The following GALNT2 variants were observed in gnomAD, a reference collection of about 807,000 sequenced individuals.
GALNT2 encodes the protein UDP-GalNAc:polypeptide N-acetylgalactosaminyltransferase 2.
A neutral mutation model predicts 81.4 loss-of-function variants in GALNT2; 31 were observed. The observed-to-expected ratio is 0.38, with a 90% CI of 0.29 to 0.51. GALNT2 has a LOEUF of 0.51. Among genes scored for constraint, GALNT2 ranks in the 20% least tolerant of loss-of-function variants. The pLI is 0.87. For missense variants in GALNT2, 629 were observed against 765.7 expected, an observed-to-expected ratio of 0.82 and a Z score of 2.11; for synonymous variants, 303 against 287.4, an observed-to-expected ratio of 1.05 and a Z score of -0.55.
rs918846700 is a variant in GALNT2 at position 230,275,089 on chromosome 1, A to G, written c.1560+525A>G. Reference sequence around the variant, plus strand: ...ACGTATATATATACACACCACATATATATACATGTATACACACCACATATA... The same window carrying G: ...ACGTATATATATACACACCACATATGTATACATGTATACACACCACATATA... On this transcript the variant is annotated intron_variant, in intron 15 of 15. Transcript: ENST00000366672. The surrounding 1 kb of genome is among the most constrained non-coding windows in gnomAD (Gnocchi z 5.5). 2.0e-5 allele frequency among the ~76,000 whole-genome samples: 3 copies of G among 151,066 alleles called. No individual in the cohort carries two copies. Among genetic ancestry groups the G allele is most frequent in the East Asian group, 1.9e-4 (1 of 5,188 alleles).
chr1:230,220,725 G>A (rs1048671240), intron 3 of GALNT2, among the ~76,000 whole-genome samples: 1 of 152,172 alleles, frequency 6.6e-6, no homozygotes, highest in African/African-American at 2.4e-5. Context: ...AGGTACTTTT[G>A]TTAGGGTTGG....
At chr1:230,197,200 G>A (rs1400896327) in intron 2 of GALNT2, among the ~76,000 whole-genome samples, 2 of 152,104 alleles carry the variant, frequency 1.3e-5, no homozygotes, top group African/African-American at 4.8e-5. Context: ...GGTGTTTCTT[G>A]GGAGCAGCAG....
At chr1:230,224,005 G>A (rs551671056) in intron 3 of GALNT2, among the ~76,000 whole-genome samples, 7 of 152,308 alleles carry the variant, frequency 4.6e-5, no homozygotes, top group South Asian at 2.1e-4. Context: ...TCTAAGAAGG[G>A]TGCTCTAAAG....
intron 14 of GALNT2, among the ~76,000 whole-genome samples, chr1:230,268,963 A>T (rs908870189): frequency 3.3e-5 from 5 of 152,130 alleles, no homozygotes; most frequent in African/African-American, 1.2e-4. Context: ...AGTGAACAAG[A>T]TCGGGTCTGC....
chr1:230,134,297 C>G (rs553871672), intron 1 of GALNT2, among the ~76,000 whole-genome samples: 1 of 152,044 alleles, frequency 6.6e-6, no homozygotes, highest in East Asian at 1.9e-4. Context: ...TTAGTAGAGA[C>G]GGGGTTTCAC....
intron 1 of GALNT2, among the ~76,000 whole-genome samples, chr1:230,159,097 A>G (rs2102844534): frequency 6.6e-6 from 1 of 152,364 alleles, no homozygotes; most frequent in East Asian, 1.9e-4. Flanking sequence ...CATTCAAAAA[A>G]GCGTACACTT....
intron 2 of GALNT2, among the ~76,000 whole-genome samples, chr1:230,178,807 A>G (rs907853640): frequency 2.0e-5 from 3 of 151,944 alleles, no homozygotes; most frequent in African/African-American, 7.3e-5. Flanking sequence ...ATTAGGGTTC[A>G]CTCTCGATGT....
At chr1:230,240,369 G>A (rs982874699) in intron 6 of GALNT2, among the ~76,000 whole-genome samples, 3 of 152,164 alleles carry the variant, frequency 2.0e-5, no homozygotes, top group African/African-American at 4.8e-5. Context: ...CGAGGTGGGC[G>A]GATCACGAGG....
rs560707577 is a variant in GALNT2, at chr1:230,231,425, G to A, written c.375-4589G>A. On this transcript the variant is annotated intron_variant, in intron 3 of 15. Transcript: ENST00000366672. ...GTGAGGGTGGGGCATGGCCTGCCCA[G>A]GGTAGAGAAGGAAACCTATTTCTTT... 3.6e-4 allele frequency among the ~76,000 whole-genome samples: 55 copies of A among 152,286 alleles called. 1 individual carries two copies. Among genetic ancestry groups the A allele is most frequent in the Middle Eastern group, 6.8e-3 (2 of 294 alleles).
At chr1:230,129,633 C>A (rs768307512) in intron 1 of GALNT2, among the ~76,000 whole-genome samples, 72 of 152,322 alleles carry the variant, frequency 4.7e-4, no homozygotes, top group Non-Finnish European at 9.6e-4. Flanking sequence ...AAATTTAACT[C>A]TTTCAAGAGG....
Position 230,236,336 on chromosome 1 carries a change from TTCTTG to T in GALNT2, c.474-12_474-8del, listed in dbSNP as rs772843532. The T allele has an allele frequency of 5.6e-6, 9 of 1,612,256 alleles. No homozygotes were observed. In the African/African-American group the frequency reaches 1.2e-4, roughly 22 times the overall value. The stretch of plus-strand genomic sequence containing the variant: ...CCCTAAAAGACCTATAAACTTTATC[TTCTTG>T]TCTTTTCTTAGCGTGCTTAAGAAAA... On this transcript the variant is annotated splice_polypyrimidine_tract_variant and intron_variant, in intron 4 of 15. Transcript: ENST00000366672.
At chr1:230,066,058 C>A (rs1659166090), upstream of GALNT2, among the ~76,000 whole-genome samples, 4 of 152,200 alleles carry the variant, frequency 2.6e-5, no homozygotes, top group Admixed American at 2.6e-4. Flanking sequence ...GGTATCTTTT[C>A]TTTCTTCTAC....
chr1:230,092,016 A>G (rs1660099238), intron 1 of GALNT2: 1 of 152,222 alleles, frequency 6.6e-6, no homozygotes, highest in African/African-American at 2.4e-5. Context: ...TTTATATTAA[A>G]GCCCTTCTGT....
intron 1 of GALNT2, among the ~76,000 whole-genome samples, chr1:230,165,879 A>G (rs1030225703): frequency 1.3e-5 from 2 of 152,140 alleles, no homozygotes; most frequent in South Asian, 4.1e-4. Flanking sequence ...GCTGTAGGTC[A>G]CTCATATTAG....
chr1:230,214,121 T>C (rs1572094820), intron 3 of GALNT2, among the ~76,000 whole-genome samples: 1 of 122,560 alleles, frequency 8.2e-6, no homozygotes. Context: ...TTTACTTTTT[T>C]TTTTTTTTGA....
At chr1:230,102,597 G>T (rs901341591) in intron 1 of GALNT2, among the ~76,000 whole-genome samples, 2 of 152,020 alleles carry the variant, frequency 1.3e-5, no homozygotes, top group African/African-American at 4.8e-5. Context: ...ACAAATGGTG[G>T]TTGGAAATTG....
intron 1 of GALNT2, among the ~76,000 whole-genome samples, chr1:230,149,888 G>T (rs939361362): frequency 6.6e-5 from 10 of 152,130 alleles, no homozygotes; most frequent in Non-Finnish European, 1.3e-4. Context: ...TTGCCGAATT[G>T]TTTCAGCAGG....
At chr1:230,207,533 A>ATATAAGTATAGTATATCTT (rs1664099863) in intron 3 of GALNT2, among the ~76,000 whole-genome samples, 1 of 152,208 alleles carries the variant, frequency 6.6e-6, no homozygotes, top group Non-Finnish European at 1.5e-5. Context: ...TGAAATACTA[A>ATATAAGTATAGTATATCTT]ATACTATGTA....
intron 2 of GALNT2, among the ~76,000 whole-genome samples, chr1:230,197,462 C>T (rs1663734348): frequency 6.6e-6 from 1 of 152,204 alleles, no homozygotes; most frequent in African/African-American, 2.4e-5. Flanking sequence ...GGACACCCCT[C>T]ATGGGTGTCA....
Sources: allele counts gnomAD v4.1 joint callset (sites outside exome capture counted in the v4.1 genomes callset), GRCh38; gene constraint gnomAD v4.1.1; non-coding constraint Gnocchi (gnomAD v3.1); transcripts MANE v1.5; gene names NCBI Gene and HGNC (gene_info 2026-07-23, HGNC 2026-07-21).